The following FSTL4 variants were observed in gnomAD, a reference collection of about 807,000 sequenced individuals.
The protein encoded by FSTL4 is follistatin-related protein 4.
A neutral mutation model predicts 78.2 loss-of-function variants in FSTL4; 28 were observed. The observed-to-expected ratio is 0.36, with a 90% CI of 0.27 to 0.49. The LOEUF (loss-of-function observed/expected upper bound fraction) is 0.49. FSTL4 is among the 20% of genes least tolerant of loss of function. FSTL4 has a pLI of 0.98. For synonymous variants in FSTL4, 422 were observed against 440.5 expected, an observed-to-expected ratio of 0.96 and a Z score of 0.53; for missense variants, 922 against 1,084.9, an observed-to-expected ratio of 0.85 and a Z score of 2.11.
chr5:133,305,239 C>T (rs970525342), intron 6 of FSTL4, among the ~76,000 whole-genome samples: 12 of 152,202 alleles, frequency 7.9e-5, no homozygotes, highest in Non-Finnish European at 1.5e-5. Flanking sequence ...GATGGGGACT[C>T]ACCACTCACT....
At chr5:133,549,760 C>T (rs1485866935) in intron 3 of FSTL4, among the ~76,000 whole-genome samples, 1 of 152,210 alleles carries the variant, frequency 6.6e-6, no homozygotes, top group African/African-American at 2.4e-5. Flanking sequence ...GAGGCTTTCT[C>T]AGACTAGTCT....
At chr5:133,304,540 A>G (rs1255346452) in intron 6 of FSTL4, among the ~76,000 whole-genome samples, 1 of 152,228 alleles carries the variant, frequency 6.6e-6, no homozygotes, top group Non-Finnish European at 1.5e-5. Flanking sequence ...TAGATTTTCA[A>G]TAACAACCTG....
intron 3 of FSTL4, among the ~76,000 whole-genome samples, chr5:133,503,822 C>A (rs1418665164): frequency 6.6e-6 from 1 of 152,216 alleles, no homozygotes; most frequent in Non-Finnish European, 1.5e-5. Flanking sequence ...TTAGTCCATT[C>A]TCACACTGCT....
chr5:133,274,604 G>T (rs969623202), intron 6 of FSTL4, among the ~76,000 whole-genome samples: 6 of 152,068 alleles, frequency 3.9e-5, no homozygotes, highest in Non-Finnish European at 5.9e-5. Context: ...GGCTGGTCCC[G>T]AGTGAGAGGG....
At chr5:133,815,424 G>C in the FSTL4 span, among the ~76,000 whole-genome samples, 1 of 152,212 alleles carries the variant, frequency 6.6e-6, no homozygotes, top group Non-Finnish European at 1.5e-5. Flanking sequence ...GAGGTGGCCT[G>C]AGAGATTCAC....
At chr5:133,660,425 T>C in the FSTL4 span, among the ~76,000 whole-genome samples, 1 of 152,212 alleles carries the variant, frequency 6.6e-6, no homozygotes, top group African/African-American at 2.4e-5. Flanking sequence ...CATAACTTCT[T>C]CACCTGTGGT....
At chr5:133,778,193 C>T in the FSTL4 span, among the ~76,000 whole-genome samples, 1 of 152,218 alleles carries the variant, frequency 6.6e-6, no homozygotes, top group Non-Finnish European at 1.5e-5. Flanking sequence ...AAACCACAGG[C>T]CCTGCCTGGT....
chr5:133,249,342 G>T, intron 7 of FSTL4, 68 bp downstream of exon 7: 1 of 1,234,984 alleles, frequency 8.1e-7, no homozygotes, highest in Non-Finnish European at 1.2e-6. Context: ...CACTGTCTGT[G>T]GCATCTTACC....
At chr5:133,372,332 G>A (rs1328757581) in intron 4 of FSTL4, among the ~76,000 whole-genome samples, 2 of 152,000 alleles carry the variant, frequency 1.3e-5, no homozygotes, top group Non-Finnish European at 2.9e-5. Context: ...TTTAGACTGT[G>A]TGTGATCCTA....
At chr5:133,532,688 C>T (rs1004695826) in intron 3 of FSTL4, among the ~76,000 whole-genome samples, 8 of 152,188 alleles carry the variant, frequency 5.3e-5, no homozygotes, top group African/African-American at 9.7e-5. Flanking sequence ...GTACATTGCA[C>T]GGTAAACATA....
At chr5:133,683,120 C>CT in the FSTL4 span, among the ~76,000 whole-genome samples, 3 of 151,620 alleles carry the variant, frequency 2.0e-5, no homozygotes, top group African/African-American at 4.9e-5. Context: ...GTGTGTCTGC[C>CT]AAGGGGTGTT....
chr5:133,626,938 C>A, the FSTL4 span, among the ~76,000 whole-genome samples: 2 of 152,026 alleles, frequency 1.3e-5, no homozygotes, highest in African/African-American at 4.8e-5. Context: ...TTTACCTTTG[C>A]TGATTTTCTA....
the FSTL4 span, among the ~76,000 whole-genome samples, chr5:133,767,410 G>A: frequency 6.6e-6 from 1 of 152,282 alleles, no homozygotes; most frequent in Admixed American, 6.5e-5. Context: ...GTGGGCCTGC[G>A]TGTGCTGATA....
intron 8 of FSTL4, among the ~76,000 whole-genome samples, chr5:133,227,273 T>G (rs1210640989): frequency 6.6e-6 from 1 of 152,132 alleles, no homozygotes; most frequent in Non-Finnish European, 1.5e-5. Flanking sequence ...GAAAAGCCTG[T>G]CACAAGTCAG....
chr5:133,631,512 GGAT>G, the FSTL4 span, among the ~76,000 whole-genome samples: 1 of 152,184 alleles, frequency 6.6e-6, no homozygotes, highest in African/African-American at 2.4e-5. Flanking sequence ...ATGCTGGAGA[GGAT>G]GTGGAGAAAT....
intron 7 of FSTL4, among the ~76,000 whole-genome samples, chr5:133,238,529 G>T (rs910047419): frequency 6.6e-6 from 1 of 152,218 alleles, no homozygotes; most frequent in Non-Finnish European, 1.5e-5. Context: ...ACATGCACAT[G>T]TGGGTGAGCA....
chr5:133,700,990 C>A, the FSTL4 span, among the ~76,000 whole-genome samples: 1 of 152,156 alleles, frequency 6.6e-6, no homozygotes, highest in Non-Finnish European at 1.5e-5. Context: ...CAGACGCAGG[C>A]GGAAAATTAG....
At chr5:133,621,060 C>T in the FSTL4 span, among the ~76,000 whole-genome samples, 22 of 152,206 alleles carry the variant, frequency 1.4e-4, no homozygotes, top group Admixed American at 1.4e-3. Context: ...AAGAAACTGT[C>T]GTATATATAC....
chr5:133,830,546 G>A, the FSTL4 span, among the ~76,000 whole-genome samples: 1 of 152,200 alleles, frequency 6.6e-6, no homozygotes, highest in Admixed American at 6.5e-5. Flanking sequence ...AAGCACAAAT[G>A]CTTTCTCAGC....
Sources: allele counts gnomAD v4.1 joint callset (sites outside exome capture counted in the v4.1 genomes callset), GRCh38; gene constraint gnomAD v4.1.1; transcripts MANE v1.5; gene names NCBI Gene and HGNC (gene_info 2026-07-23, HGNC 2026-07-21).